Variants in DPH6 observed in about 807,000 individuals in gnomAD.
DPH6 encodes the protein diphthine--ammonia ligase.
In DPH6, 33 loss-of-function variants were observed where a neutral mutation model predicts 38.2. The observed-to-expected ratio is 0.86, with a 90% CI of 0.65 to 1.15. The LOEUF is 1.15. Ranked by LOEUF, DPH6 falls within the 50% of genes most tolerant of loss-of-function variation. The pLI, the probability that DPH6 is intolerant of heterozygous loss-of-function variation, is 0.00. For missense variants in DPH6, 325 were observed against 320.0 expected (o/e 1.02, Z -0.12); for synonymous variants, 108 against 103.0 (o/e 1.05, Z -0.30).
chr15:35,461,009 A>G (rs1214464757), intron 3 of DPH6, among the ~76,000 whole-genome samples: 1 of 152,186 alleles, frequency 6.6e-6, no homozygotes. Flanking sequence ...CAATAAATAT[A>G]TCAATACAAT....
intron 3 of DPH6, among the ~76,000 whole-genome samples, chr15:35,362,111 T>C (rs981959711): frequency 6.6e-6 from 1 of 152,192 alleles, no homozygotes; most frequent in Non-Finnish European, 1.5e-5. Context: ...TCAACCCAGT[T>C]AGAAATTTTG....
At chr15:35,537,825 T>C (rs755938759) in intron 3 of DPH6, among the ~76,000 whole-genome samples, 1 of 152,120 alleles carries the variant, frequency 6.6e-6, no homozygotes, top group Non-Finnish European at 1.5e-5. Flanking sequence ...CTATCAAGCA[T>C]GTTATTTATT....
At chr15:35,254,788 G>A (rs1489419806) in intron 3 of DPH6, among the ~76,000 whole-genome samples, 1 of 152,166 alleles carries the variant, frequency 6.6e-6, no homozygotes, top group African/African-American at 2.4e-5. Context: ...GGAGATAGGG[G>A]TGGGGCCGTT....
At chr15:35,479,907 G>A (rs777483709) in intron 3 of DPH6, among the ~76,000 whole-genome samples, 6 of 151,864 alleles carry the variant, frequency 4.0e-5, no homozygotes, top group Admixed American at 2.6e-4. Context: ...ACAATACTAG[G>A]ACCCATTCTC....
chr15:35,362,847 G>C (rs1239079223), intron 3 of DPH6, among the ~76,000 whole-genome samples: 1 of 152,058 alleles, frequency 6.6e-6, no homozygotes, highest in African/African-American at 2.4e-5. Flanking sequence ...TGACTTTACT[G>C]GTTTCTAGAG....
At chr15:35,299,574 G>A (rs975372209) in intron 3 of DPH6, 2 of 437,232 alleles carry the variant, frequency 4.6e-6, no homozygotes, top group Non-Finnish European at 4.1e-6. Context: ...TGGGCGGCGC[G>A]GGGTCAGGTA....
At chr15:35,308,688 T>G (rs1426738556) in intron 3 of DPH6, among the ~76,000 whole-genome samples, 1 of 152,226 alleles carries the variant, frequency 6.6e-6, no homozygotes, top group Non-Finnish European at 1.5e-5. Context: ...ATAGTTTGTA[T>G]TTTAAGGAGA....
At chr15:35,542,814 A>G (rs1382034099) in intron 1 of DPH6, among the ~76,000 whole-genome samples, 3 of 148,292 alleles carry the variant, frequency 2.0e-5, no homozygotes, top group Non-Finnish European at 3.0e-5. Context: ...AATGATTTCA[A>G]TTTACATCCC....
intron 3 of DPH6, among the ~76,000 whole-genome samples, chr15:35,537,011 C>T (rs1242296793): frequency 6.6e-6 from 1 of 151,976 alleles, no homozygotes; most frequent in Non-Finnish European, 1.5e-5. Context: ...AATTTTGGAA[C>T]TACTCTAAGG....
At chr15:35,501,810 A>T (rs2054631376) in intron 3 of DPH6, among the ~76,000 whole-genome samples, 1 of 152,110 alleles carries the variant, frequency 6.6e-6, no homozygotes, top group Admixed American at 6.6e-5. Flanking sequence ...TATATTTTAA[A>T]ATGGTTCCCA....
rs368477844 is a variant in DPH6, at chr15:35,409,647, TACA to T, written c.567+1185_567+1187del. 3.9e-4 allele frequency among the ~76,000 whole-genome samples: 60 copies of T among 152,078 alleles called. No individual in the cohort carries two copies. The East Asian group carries it at 0.011, about 29-fold the overall frequency. The stretch of plus-strand genomic sequence containing the variant: ...TTTCTCTTTCATTTCCATAAATTTA[TACA>T]ACATTTTGGTAGAAGCTAAATTTAG... On this transcript the variant is annotated intron_variant, in intron 6 of 8. Coordinates refer to ENST00000256538, the MANE Select transcript of DPH6 (RefSeq NM_080650.4).
chr15:35,539,443 G>A lies in DPH6; in HGVS notation c.119-976C>T, dbSNP rs60681594. On this transcript the variant is annotated intron_variant, in intron 2 of 8. Coordinates refer to ENST00000256538, the MANE Select transcript of DPH6 (RefSeq NM_080650.4). ...TTTAAGGTTAAAGAAGTCTATAAAA[G>A]ATGGGGATAAAAAGTGTTAAATGGA... Among the ~76,000 whole-genome samples the A allele has an allele frequency of 2.0e-5, 3 of 151,786 alleles. No homozygotes were observed. The East Asian group carries it at 5.8e-4, about 29-fold the overall frequency.
At chr15:35,439,542 G>C (rs2053759886) in intron 5 of DPH6, among the ~76,000 whole-genome samples, 1 of 152,210 alleles carries the variant, frequency 6.6e-6, no homozygotes. Context: ...GGAAGGGTAT[G>C]CTTCCTTTTA....
At chr15:35,165,071 G>A in the DPH6 span, among the ~76,000 whole-genome samples, 5 of 151,890 alleles carry the variant, frequency 3.3e-5, no homozygotes, top group African/African-American at 1.2e-4. Flanking sequence ...GTAAAAGATT[G>A]GATGTTAAGA....
chr15:35,185,654 C>A, the DPH6 span, among the ~76,000 whole-genome samples: 1 of 150,230 alleles, frequency 6.7e-6, no homozygotes, highest in African/African-American at 2.5e-5. Context: ...AATTTTCGAG[C>A]GTAGAAGGTA....
intron 3 of DPH6, among the ~76,000 whole-genome samples, chr15:35,230,811 G>A (rs1383353142): frequency 6.6e-6 from 1 of 151,994 alleles, no homozygotes. Context: ...CTGAAGCTAG[G>A]GCCTGCAAAG....
intron 6 of DPH6, among the ~76,000 whole-genome samples, chr15:35,385,148 G>A (rs916395153): frequency 6.6e-6 from 1 of 152,152 alleles, no homozygotes; most frequent in Non-Finnish European, 1.5e-5. Flanking sequence ...GGAAAAATAG[G>A]AACACTTTTA....
the DPH6 span, among the ~76,000 whole-genome samples, chr15:35,153,504 GA>G: frequency 6.6e-6 from 1 of 152,130 alleles, no homozygotes; most frequent in Non-Finnish European, 1.5e-5. Flanking sequence ...ACTCAATTAG[GA>G]CTTTAGGAAC....
At chr15:35,182,374 A>C in the DPH6 span, among the ~76,000 whole-genome samples, 1 of 151,768 alleles carries the variant, frequency 6.6e-6, no homozygotes, top group Admixed American at 6.6e-5. Flanking sequence ...AAAATTTAAT[A>C]CGTTTAGTTT....
Sources: gnomAD v4.1 joint callset for allele counts (sites outside exome capture counted in the v4.1 genomes callset) on GRCh38, gnomAD v4.1.1 for gene constraint, MANE v1.5 for transcripts, NCBI Gene and HGNC (gene_info 2026-07-23, HGNC 2026-07-21) for gene names.